Variants in KLHL1 observed in about 807,000 individuals in gnomAD.
KLHL1 encodes kelch like family member 1.
In KLHL1, 47 loss-of-function variants were observed where a neutral mutation model predicts 77.7. The observed-to-expected ratio is 0.60, with a 90% CI of 0.48 to 0.77. The LOEUF is 0.77. Ranked by LOEUF, KLHL1 falls within the 30% of genes least tolerant of loss-of-function variation. The pLI, the probability that KLHL1 is intolerant of heterozygous loss-of-function variation, is 0.00. For synonymous variants in KLHL1, 360 were observed against 325.2 expected (o/e 1.11, Z -1.15); for missense variants, 925 against 910.8 (o/e 1.02, Z -0.20).
chr13:70,090,888 A>G (rs1887655523), intron 1 of KLHL1, among the ~76,000 whole-genome samples: 1 of 152,120 alleles, frequency 6.6e-6, no homozygotes, highest in African/African-American at 2.4e-5. Context: ...TGATGGAAAA[A>G]CACATCTATG....
chr13:70,071,739 A>G (rs1296310835), intron 1 of KLHL1, among the ~76,000 whole-genome samples: 1 of 152,144 alleles, frequency 6.6e-6, no homozygotes, highest in African/African-American at 2.4e-5. Flanking sequence ...ATATAGATCA[A>G]TAAGAAATTT....
At chr13:69,778,192 C>A (rs1488114370) in intron 7 of KLHL1, among the ~76,000 whole-genome samples, 1 of 152,042 alleles carries the variant, frequency 6.6e-6, no homozygotes, top group Non-Finnish European at 1.5e-5. Flanking sequence ...AAAATTTAAT[C>A]TAGACTTTTA....
At chr13:70,057,552 G>A (rs1886773585) in intron 1 of KLHL1, among the ~76,000 whole-genome samples, 1 of 148,530 alleles carries the variant, frequency 6.7e-6, no homozygotes, top group Admixed American at 6.7e-5. Context: ...CGAGGCGGGT[G>A]GATCATGAGG....
intron 6 of KLHL1, among the ~76,000 whole-genome samples, chr13:69,809,142 A>T (rs997090583): frequency 6.6e-6 from 1 of 152,172 alleles, no homozygotes; most frequent in African/African-American, 2.4e-5. Flanking sequence ...ATATTTGAGG[A>T]TATAACTCGG....
chr13:69,745,765 T>G (rs9599505), intron 7 of KLHL1, among the ~76,000 whole-genome samples: 64,700 of 151,626 alleles, frequency 0.43, 14,092 homozygotes, highest in African/African-American at 0.46. Flanking sequence ...AAAATACTTG[T>G]TCTAAATTTT....
chr13:69,827,216 A>T (rs1878582754), intron 6 of KLHL1, among the ~76,000 whole-genome samples: 1 of 151,708 alleles, frequency 6.6e-6, no homozygotes, highest in African/African-American at 2.4e-5. Flanking sequence ...CATGAAATGG[A>T]AATATAATAG....
At chr13:69,804,318 A>T (rs1232386983) in intron 6 of KLHL1, among the ~76,000 whole-genome samples, 1 of 151,588 alleles carries the variant, frequency 6.6e-6, no homozygotes, top group African/African-American at 2.4e-5. Flanking sequence ...GGGGGGGGGA[A>T]ATAGTAATTA....
At chr13:69,776,000 A>G (rs889301150) in intron 7 of KLHL1, among the ~76,000 whole-genome samples, 20 of 151,460 alleles carry the variant, frequency 1.3e-4, no homozygotes, top group African/African-American at 4.8e-4. Context: ...AAATACAAAA[A>G]AAAAAACTAG....
At chr13:70,027,025 G>A (rs1342921378) in intron 1 of KLHL1, among the ~76,000 whole-genome samples, 2 of 151,972 alleles carry the variant, frequency 1.3e-5, no homozygotes, top group African/African-American at 2.4e-5. Context: ...AGCTTCAGGT[G>A]CATCACAATG....
chr13:69,864,158 A>T, intron 5 of KLHL1, among the ~76,000 whole-genome samples: 1 of 152,000 alleles, frequency 6.6e-6, no homozygotes, highest in Non-Finnish European at 1.5e-5. Flanking sequence ...TATAAAAGCA[A>T]GAAGTAGGAT....
chr13:69,788,907 ATATTACAATGGC>A (rs1219749728), intron 7 of KLHL1, among the ~76,000 whole-genome samples: 1 of 152,134 alleles, frequency 6.6e-6, no homozygotes, highest in Non-Finnish European at 1.5e-5. Flanking sequence ...TATTCTAATG[ATATTACAATGGC>A]TATTACAAAA....
At chr13:69,750,398 GAATTA>G (rs1369797254) in intron 7 of KLHL1, among the ~76,000 whole-genome samples, 4 of 151,246 alleles carry the variant, frequency 2.6e-5, no homozygotes, top group African/African-American at 4.9e-5. Flanking sequence ...TCTGTGCAAT[GAATTA>G]AACAAAATAA....
intron 6 of KLHL1, among the ~76,000 whole-genome samples, chr13:69,837,670 G>GACA (rs1879076243): frequency 9.7e-5 from 12 of 123,940 alleles, no homozygotes; most frequent in Admixed American, 1.6e-4. Context: ...GTGTGTGTGT[G>GACA]TATATATATA....
At chr13:69,802,036 G>A (rs1035169401) in intron 6 of KLHL1, among the ~76,000 whole-genome samples, 1 of 151,902 alleles carries the variant, frequency 6.6e-6, no homozygotes, top group Non-Finnish European at 1.5e-5. Flanking sequence ...CCCCTGACAG[G>A]CCCTGGTGTC....
At chr13:69,756,242 T>A (rs1030277) in intron 7 of KLHL1, among the ~76,000 whole-genome samples, 36,127 of 152,008 alleles carry the variant, frequency 0.24, 4,364 homozygotes, top group South Asian at 0.3. Context: ...TCTGTGGCAG[T>A]TATTGATAAT....
intron 4 of KLHL1, among the ~76,000 whole-genome samples, chr13:69,930,624 A>G (rs1882970050): frequency 3.3e-5 from 5 of 151,862 alleles, no homozygotes; most frequent in Admixed American, 3.3e-4. Flanking sequence ...TTAACTAATA[A>G]AGGCAATATG....
intron 6 of KLHL1, among the ~76,000 whole-genome samples, chr13:69,806,261 T>TGG (rs1877612512): frequency 2.6e-5 from 4 of 152,178 alleles, no homozygotes; most frequent in African/African-American, 9.7e-5. Flanking sequence ...GGCCACAACT[T>TGG]GATAAATGTT....
intron 6 of KLHL1, among the ~76,000 whole-genome samples, chr13:69,805,231 AAT>A (rs760905658): frequency 1.8e-4 from 28 of 152,140 alleles, no homozygotes; most frequent in Non-Finnish European, 3.1e-4. Flanking sequence ...ATAAAATATT[AAT>A]AGAGTGATAT....
At chr13:69,821,337 T>TA (rs1878327827) in intron 6 of KLHL1, among the ~76,000 whole-genome samples, 1 of 152,060 alleles carries the variant, frequency 6.6e-6, no homozygotes, top group Admixed American at 6.6e-5. Flanking sequence ...TTTTTTGAGA[T>TA]AGAGTCTCAC....
Sources: gnomAD v4.1 joint callset for allele counts (sites outside exome capture counted in the v4.1 genomes callset) on GRCh38, gnomAD v4.1.1 for gene constraint, MANE v1.5 for transcripts, NCBI Gene and HGNC (gene_info 2026-07-23, HGNC 2026-07-21) for gene names.